PDE1A: variants seen among roughly 807,000 people sequenced by gnomAD.
The protein encoded by PDE1A is dual specificity calcium/calmodulin-dependent 3',5'-cyclic nucleotide phosphodiesterase 1A.
PDE1A carries 35 observed loss-of-function variants against 61.7 expected under a neutral mutation model. The ratio of observed to expected loss-of-function variants is 0.57; its 90% CI spans 0.43 to 0.75. The LOEUF is 0.75. Ranked by LOEUF, PDE1A falls within the 30% of genes least tolerant of loss-of-function variation. The probability of loss-of-function intolerance (pLI) is 0.00; values close to 1 mark genes in which losing one functional copy is unlikely to be tolerated. For synonymous variants in PDE1A, 232 were observed against 213.2 expected (o/e 1.09, Z -0.77); for missense variants, 597 against 630.6 (o/e 0.95, Z 0.57).
chr2:182,686,282 A>G, the PDE1A span, among the ~76,000 whole-genome samples: 2 of 152,184 alleles, frequency 1.3e-5, no homozygotes, highest in African/African-American at 4.8e-5. Context: ...TAGATTTCCT[A>G]GGGTTAAACT....
At chr2:182,709,794 G>C in the PDE1A span, among the ~76,000 whole-genome samples, 20 of 152,206 alleles carry the variant, frequency 1.3e-4, no homozygotes, top group Non-Finnish European at 2.8e-4. Flanking sequence ...GGACATCCTT[G>C]ATGTCAATTA....
the PDE1A span, among the ~76,000 whole-genome samples, chr2:182,687,061 G>A: frequency 1.2e-4 from 18 of 152,358 alleles, no homozygotes; most frequent in South Asian, 2.1e-4. Flanking sequence ...GGAGCCCACC[G>A]CAGCTCAAGG....
chr2:182,583,215 G>T, the PDE1A span, among the ~76,000 whole-genome samples: 2 of 152,050 alleles, frequency 1.3e-5, no homozygotes, highest in Admixed American at 6.6e-5. Context: ...GACACTATAT[G>T]ATTCAGCTAT....
At chr2:182,239,494 G>A (rs1050732726) in intron 3 of PDE1A, among the ~76,000 whole-genome samples, 4 of 152,006 alleles carry the variant, frequency 2.6e-5, no homozygotes, top group Non-Finnish European at 5.9e-5. Context: ...CTTAAGGGCT[G>A]AAAGAATGTA....
At chr2:182,328,043 TA>T in intron 1 of PDE1A, among the ~76,000 whole-genome samples, 1 of 152,280 alleles carries the variant, frequency 6.6e-6, no homozygotes, top group Non-Finnish European at 1.5e-5. Flanking sequence ...TAGGTGCTGT[TA>T]GGGAGGTAGA....
the PDE1A span, among the ~76,000 whole-genome samples, chr2:182,604,726 A>T: frequency 6.6e-6 from 1 of 152,300 alleles, no homozygotes; most frequent in African/African-American, 2.4e-5. Flanking sequence ...CATATATATA[A>T]AATAGCCATT....
At chr2:182,506,521 T>A (rs924423485) in intron 2 of PDE1A, among the ~76,000 whole-genome samples, 2 of 152,246 alleles carry the variant, frequency 1.3e-5, no homozygotes, top group Admixed American at 1.3e-4. Context: ...TGATTCTCTC[T>A]CATTTTTTCT....
rs182075534 is a variant in PDE1A, at chr2:182,278,258, T to C, written c.54-13844A>G. The stretch of plus-strand genomic sequence containing the variant: ...GATGTGATTTAACAAGCTTACACAA[T>C]TGAGTTGAGTCTTCTAATTTCAAAG... On this transcript the variant is annotated intron_variant, in intron 1 of 13. Coordinates refer to ENST00000351439, the Ensembl canonical transcript of PDE1A. 5.3e-5 allele frequency among the ~76,000 whole-genome samples: 8 copies of C among 152,130 alleles called. No homozygotes were observed. The East Asian group carries it at 1.4e-3, about 26-fold the overall frequency.
intron 2 of PDE1A, among the ~76,000 whole-genome samples, chr2:182,438,773 C>G (rs1684604728): frequency 6.6e-6 from 1 of 152,098 alleles, no homozygotes; most frequent in African/African-American, 2.4e-5. Flanking sequence ...ATATGCCATA[C>G]TGAAGAGCTG....
In PDE1A at chr2:182,438,038, G is replaced by T. The variant is rs115409434; in HGVS notation, c.101+84238C>A. Among the ~76,000 whole-genome samples, 1,312 of 151,822 alleles carry T rather than the reference G, an allele frequency of 8.6e-3. 17 individuals are homozygous for T. Among genetic ancestry groups the T allele is most frequent in the African/African-American group, 0.03 (1,233 of 41,468 alleles). ...GTTATTTGTTATAAATAGAATCATA[G>T]ACTTCTGGAATCTGAAGGGATTTTC... On this transcript the variant is annotated intron_variant, in intron 2 of 14. Coordinates refer to the PDE1A transcript ENST00000410103.
At chr2:182,488,506 TTGTTA>T (rs917384358) in intron 2 of PDE1A, among the ~76,000 whole-genome samples, 15 of 152,320 alleles carry the variant, frequency 9.8e-5, no homozygotes, top group Admixed American at 9.2e-4. Flanking sequence ...TCAAAGTGTT[TTGTTA>T]TGCCTTATTT....
the PDE1A span, among the ~76,000 whole-genome samples, chr2:182,644,261 C>CTGTGTGTGTGTGTG: frequency 2.9e-5 from 2 of 68,322 alleles, no homozygotes; most frequent in South Asian, 7.1e-4. Flanking sequence ...AGTCTTAAGA[C>CTGTGTGTGTGTGTG]TCTGTGTGTG....
Position 182,221,015 on chromosome 2 carries a change from A to T in PDE1A, c.776+2849T>A, listed in dbSNP as rs764310107. Among the ~76,000 whole-genome samples, 59 of 152,004 alleles carry T rather than the reference A, an allele frequency of 3.9e-4. 1 individual carries two copies. Among genetic ancestry groups the T allele is most frequent in the Non-Finnish European group, 6.2e-4 (42 of 67,906 alleles). On this transcript the variant is annotated intron_variant, in intron 7 of 13. Transcript: ENST00000351439. ...ACAATTTTTTCCCATTTTTATACAG[A>T]GTTTTAAAATATAAATTGAAAAAAA...
intron 1 of PDE1A, among the ~76,000 whole-genome samples, chr2:182,315,132 T>C (rs920417833): frequency 1.3e-5 from 2 of 152,218 alleles, no homozygotes; most frequent in Admixed American, 1.3e-4. Context: ...ATTTTACCTT[T>C]TAAATTGTAA....
At chr2:182,624,475 A>G in the PDE1A span, among the ~76,000 whole-genome samples, 1 of 152,214 alleles carries the variant, frequency 6.6e-6, no homozygotes, top group Non-Finnish European at 1.5e-5. Flanking sequence ...TTACACTGAT[A>G]TCATGGGGAC....
At chr2:182,587,181 C>T in the PDE1A span, among the ~76,000 whole-genome samples, 2 of 152,204 alleles carry the variant, frequency 1.3e-5, no homozygotes. Flanking sequence ...GGAACCAGGT[C>T]ACACAAGGTT....
chr2:182,701,267 C>G, the PDE1A span, among the ~76,000 whole-genome samples: 1 of 151,952 alleles, frequency 6.6e-6, no homozygotes, highest in Admixed American at 6.5e-5. Flanking sequence ...GATCTCCTGA[C>G]CTCGTGATCC....
the PDE1A span, among the ~76,000 whole-genome samples, chr2:182,680,212 C>A: frequency 6.6e-6 from 1 of 150,760 alleles, no homozygotes; most frequent in African/African-American, 2.5e-5. Flanking sequence ...ACTTTATCAG[C>A]GACTTTTTTT....
At chr2:182,270,945 A>C (rs1261532172) in intron 1 of PDE1A, among the ~76,000 whole-genome samples, 2 of 152,044 alleles carry the variant, frequency 1.3e-5, no homozygotes, top group Non-Finnish European at 2.9e-5. Flanking sequence ...TCTAAAATGC[A>C]GGGTTTATGG....
Sources: gnomAD v4.1 joint callset for allele counts (sites outside exome capture counted in the v4.1 genomes callset) on GRCh38, gnomAD v4.1.1 for gene constraint, MANE v1.5 for transcripts, NCBI Gene and HGNC (gene_info 2026-07-23, HGNC 2026-07-21) for gene names.